The following SLC30A9 variants were observed in gnomAD, a reference collection of about 807,000 sequenced individuals.
SLC30A9 encodes the protein solute carrier family 30 member 9.
SLC30A9 carries 58 observed loss-of-function variants against 87.5 expected under a neutral mutation model. That is an observed-to-expected ratio of 0.66 (90% confidence interval 0.54 to 0.82). The LOEUF (loss-of-function observed/expected upper bound fraction) is 0.82, where lower values mean the gene tolerates loss of function less well. SLC30A9 is among the 40% of genes least tolerant of loss of function. The pLI, the probability that SLC30A9 is intolerant of heterozygous loss-of-function variation, is 0.00. For synonymous variants in SLC30A9, 234 were observed against 233.0 expected, an observed-to-expected ratio of 1.00 and a Z score of -0.04; for missense variants, 557 against 679.1, an observed-to-expected ratio of 0.82 and a Z score of 2.00.
At chr4:42,026,950 G>C (rs1716218045) in intron 6 of SLC30A9, among the ~76,000 whole-genome samples, 1 of 151,984 alleles carries the variant, frequency 6.6e-6, no homozygotes, top group African/African-American at 2.4e-5. Flanking sequence ...TAATTCTGTG[G>C]GGTTTTTTTT....
At chr4:41,991,044 A>G (rs1714414878) in intron 1 of SLC30A9, among the ~76,000 whole-genome samples, 1 of 152,214 alleles carries the variant, frequency 6.6e-6, no homozygotes, top group Non-Finnish European at 1.5e-5. Context: ...ACCAAACAAA[A>G]TGTTACGTGC....
intron 1 of SLC30A9, among the ~76,000 whole-genome samples, chr4:41,998,717 G>A (rs111241059): frequency 2.0e-4 from 31 of 152,238 alleles, no homozygotes; most frequent in African/African-American, 6.7e-4. Flanking sequence ...GCCCAGCTTG[G>A]CCTCCTAAAG....
intron 17 of SLC30A9, among the ~76,000 whole-genome samples, chr4:42,080,432 T>C (rs906524943): frequency 6.6e-6 from 1 of 152,226 alleles, no homozygotes; most frequent in Admixed American, 6.5e-5. Flanking sequence ...GTTCCAAACA[T>C]GAAGTTTCAG....
intron 4 of SLC30A9, among the ~76,000 whole-genome samples, chr4:42,021,775 G>A (rs1447718355): frequency 6.6e-6 from 1 of 151,116 alleles, no homozygotes; most frequent in Non-Finnish European, 1.5e-5. Context: ...TTTGAGACAG[G>A]GTCTCACTCT....
Position 42,086,193 on chromosome 4 carries a change from T to TTA in SLC30A9, c.*68_*69insAT. On this transcript the variant is annotated 3_prime_UTR_variant, in exon 18 of 18. Coordinates refer to ENST00000264451, the MANE Select transcript of SLC30A9 (RefSeq NM_006345.4). The stretch of plus-strand genomic sequence containing the variant: ...AGTTTGTCCGTCCACTCTACAAAGT[T>TTA]TCCTCCTCTCCTACACTGAAAGACT... 1.0e-6 allele frequency: 1 copy of TTA among 988,518 alleles called. No individual in the cohort carries two copies. Among genetic ancestry groups the TTA allele is most frequent in the Non-Finnish European group, 1.5e-6 (1 of 652,206 alleles). The allele number at this position is 988,518 out of a possible 1,614,324, so 61.2% of individuals were successfully genotyped here.
intron 15 of SLC30A9, 92 bp from the exon 16 acceptor site, chr4:42,075,565 A>G (rs1718516875): frequency 8.3e-7 from 1 of 1,211,130 alleles, no homozygotes; most frequent in Non-Finnish European, 1.2e-6. Context: ...ACTAGTGGGG[A>G]AAAAAACAAT....
intron 1 of SLC30A9, among the ~76,000 whole-genome samples, chr4:41,998,462 C>T (rs202121040): frequency 6.9e-6 from 1 of 144,948 alleles, no homozygotes; most frequent in Non-Finnish European, 1.5e-5. Flanking sequence ...TTCAGTAATT[C>T]TTTTTTTTTG....
In SLC30A9 at chr4:42,020,403, G is replaced by GT. The variant is rs748219788; in HGVS notation, c.335-7dup. ...ATGTGCATATTTATTATGTTTTCCT[G>GT]TTTTTTGTTTAGTTAAAGCAGTCCT... On this transcript the variant is annotated splice_polypyrimidine_tract_variant and intron_variant, in intron 3 of 17. Transcript: ENST00000264451. The GT allele has an allele frequency of 7.8e-7, 1 of 1,280,894 alleles. No homozygotes were observed. The highest frequency in any genetic ancestry group is 1.3e-5 in the South Asian group (1 of 78,286). The allele number at this position is 1,280,894 out of a possible 1,614,324, so 79.3% of individuals were successfully genotyped here.
chr4:42,053,243 T>C (rs765257052), intron 9 of SLC30A9, among the ~76,000 whole-genome samples: 1 of 152,202 alleles, frequency 6.6e-6, no homozygotes, highest in Non-Finnish European at 1.5e-5. Flanking sequence ...CAGCCAGATC[T>C]CCCAGTCATT....
chr4:42,085,227 T>C (rs1176558483), intron 17 of SLC30A9, among the ~76,000 whole-genome samples: 1 of 152,222 alleles, frequency 6.6e-6, no homozygotes, highest in East Asian at 1.9e-4. Context: ...TTAGATATTA[T>C]ATCCTCAGTG....
chr4:41,991,722 A>G (rs1275309024), intron 1 of SLC30A9, among the ~76,000 whole-genome samples: 1 of 152,204 alleles, frequency 6.6e-6, no homozygotes, highest in Non-Finnish European at 1.5e-5. Context: ...GTTCTAGGCT[A>G]GCCTTGGCAA....
chr4:42,051,863 G>A (rs1185634878), intron 9 of SLC30A9, among the ~76,000 whole-genome samples: 1 of 151,940 alleles, frequency 6.6e-6, no homozygotes, highest in African/African-American at 2.4e-5. Flanking sequence ...AATGAGGCTA[G>A]TATAACCCTG....
At chr4:42,007,211 A>C (rs369178195) in intron 2 of SLC30A9, among the ~76,000 whole-genome samples, 12 of 152,236 alleles carry the variant, frequency 7.9e-5, no homozygotes, top group African/African-American at 2.2e-4. Context: ...TAGTAATTGA[A>C]TCTGGGGGAT....
Position 42,089,483 on chromosome 4 carries a change from G to A in SLC30A9, c.*3357G>A, listed in dbSNP as rs1719029887. On this transcript the variant is annotated 3_prime_UTR_variant, in exon 18 of 18. Transcript: ENST00000264451. ...CTTGTTGCCCAGGCTGGAGTGCACT[G>A]GCACAATTGCAGCTCACCGCAACCT... is the stretch of plus-strand genomic sequence containing the variant. 1 of 151,966 alleles carries A rather than the reference G, an allele frequency of 6.6e-6. No individual in the cohort carries two copies. Among genetic ancestry groups the A allele is most frequent in the African/African-American group, 2.4e-5 (1 of 41,350 alleles). 9.4% of individuals were successfully genotyped at this position (151,966 alleles called of 1,614,324 possible). A position where few individuals can be genotyped will look rare whatever the true frequency, so the allele number is the denominator to read the frequency against.
intron 1 of SLC30A9, among the ~76,000 whole-genome samples, chr4:41,993,373 C>G (rs940922938): frequency 2.6e-5 from 4 of 152,078 alleles, no homozygotes; most frequent in African/African-American, 9.7e-5. Flanking sequence ...TAAACAGTGA[C>G]TACTCAATTA....
intron 2 of SLC30A9, among the ~76,000 whole-genome samples, chr4:42,008,082 C>T (rs1461337342): frequency 6.6e-6 from 1 of 152,168 alleles, no homozygotes; most frequent in Non-Finnish European, 1.5e-5. Flanking sequence ...TCTTCTGCTA[C>T]TCTCTTGCTT....
Position 42,075,634 on chromosome 4 carries a change from G to A in SLC30A9, c.1419-23G>A, listed in dbSNP as rs374011653. 7 of 1,602,206 alleles carry A rather than the reference G, an allele frequency of 4.4e-6. No homozygotes were observed. In the Admixed American group the frequency reaches 1.0e-4, roughly 23 times the overall value. On this transcript the variant is annotated intron_variant, in intron 15 of 17. Transcript: ENST00000264451. ...TGTGTATGTATGTATAAATAAATTTGTATGCATTGTTATTGATTGCAGGGC... is the reference window on the plus strand; with the variant it reads ...TGTGTATGTATGTATAAATAAATTTATATGCATTGTTATTGATTGCAGGGC...
chr4:42,049,293 T>C (rs1387533955), intron 8 of SLC30A9, 84 bp from the exon 9 acceptor site: 18 of 725,902 alleles, frequency 2.5e-5, no homozygotes, highest in Non-Finnish European at 3.8e-5. Flanking sequence ...GAATCTAGTG[T>C]AGAGATATAC....
chr4:42,090,240 T>G lies in SLC30A9; in HGVS notation c.*4114T>G, dbSNP rs1719048234. 6.6e-6 allele frequency: 1 copy of G among 152,246 alleles called. No homozygotes were observed. Among genetic ancestry groups the G allele is most frequent in the East Asian group, 1.9e-4 (1 of 5,202 alleles). 9.4% of individuals were successfully genotyped at this position (152,246 alleles called of 1,614,324 possible). On this transcript the variant is annotated 3_prime_UTR_variant, in exon 18 of 18. Transcript: ENST00000264451. The stretch of plus-strand genomic sequence containing the variant: ...CCCCTAAATCCTTCATTTCTTTCTC[T>G]GAAATGGAACTTTGGAAGCCATTTA...
Sources: gnomAD v4.1 joint callset for allele counts (sites outside exome capture counted in the v4.1 genomes callset) on GRCh38, gnomAD v4.1.1 for gene constraint, MANE v1.5 for transcripts, NCBI Gene and HGNC (gene_info 2026-07-23, HGNC 2026-07-21) for gene names.